WDR53: variants seen among roughly 807,000 people sequenced by gnomAD.
WDR53 encodes the protein WD repeat-containing protein 53.
In WDR53, 19 loss-of-function variants were observed where a neutral mutation model predicts 21.3. The observed-to-expected ratio is 0.89, with a 90% CI of 0.62 to 1.31. WDR53 has a LOEUF of 1.31. Ranked by LOEUF, WDR53 falls within the 50% of genes most tolerant of loss-of-function variation. The pLI is 0.00. For synonymous variants in WDR53, 157 were observed against 163.4 expected (o/e 0.96, Z 0.30); for missense variants, 374 against 423.2 (o/e 0.88, Z 1.02).
Position 196,558,633 on chromosome 3 carries a change from T to C in WDR53, c.480+2363A>G, listed in dbSNP as rs1734551766. Among the ~76,000 whole-genome samples the C allele has an allele frequency of 2.6e-5, 4 of 152,258 alleles. No individual in the cohort carries two copies. The South Asian group carries it at 8.3e-4, about 31-fold the overall frequency. ...CAATCATTCAATTCCTGCCTTGAGA[T>C]AAAATTTGTTTGCTCAGAGAGAAGT... On this transcript the variant is annotated intron_variant, in intron 3 of 3. Coordinates refer to ENST00000332629, the MANE Select transcript of WDR53 (RefSeq NM_182627.3).
intron 3 of WDR53, among the ~76,000 whole-genome samples, chr3:196,560,563 T>C (rs533664645): frequency 2.6e-5 from 4 of 152,312 alleles, no homozygotes; most frequent in African/African-American, 9.6e-5. Flanking sequence ...AACTCAGCAT[T>C]GAATACAGTG....
At chr3:196,557,951 ATC>A (rs1324181726) in intron 3 of WDR53, among the ~76,000 whole-genome samples, 1 of 151,568 alleles carries the variant, frequency 6.6e-6, no homozygotes, top group Non-Finnish European at 1.5e-5. Context: ...TACTTTTTGT[ATC>A]TTTTGTAGAG....
intron 2 of WDR53, among the ~76,000 whole-genome samples, chr3:196,561,785 T>C (rs931447796): frequency 2.0e-5 from 3 of 152,024 alleles, no homozygotes; most frequent in Non-Finnish European, 4.4e-5. Flanking sequence ...GAATAAACAC[T>C]ACATATTTTA....
chr3:196,557,448 A>C (rs559592642), intron 3 of WDR53, among the ~76,000 whole-genome samples: 186 of 152,276 alleles, frequency 1.2e-3, no homozygotes, highest in Admixed American at 3.2e-3. Context: ...CAGGAGGATG[A>C]GGTGGGAGGA....
chr3:196,557,079 A>G, intron 3 of WDR53, among the ~76,000 whole-genome samples: 1 of 116,664 alleles, frequency 8.6e-6, no homozygotes, highest in East Asian at 1.9e-4. Flanking sequence ...TACTGAAAGA[A>G]AAGAATAAAG....
At chr3:196,561,681 G>T (rs1180006907) in intron 2 of WDR53, among the ~76,000 whole-genome samples, 190 bp from the exon 3 acceptor site, 1 of 151,746 alleles carries the variant, frequency 6.6e-6, no homozygotes. Context: ...ACACAGGGTT[G>T]TATCCTGGCT....
intron 3 of WDR53, among the ~76,000 whole-genome samples, chr3:196,557,236 C>T (rs192412723): frequency 1.5e-4 from 23 of 152,312 alleles, no homozygotes; most frequent in Middle Eastern, 3.4e-3. Context: ...ATAAAAGACT[C>T]GTCTTCAAGA....
At chr3:196,563,728 C>T (rs1421960727) in intron 2 of WDR53, among the ~76,000 whole-genome samples, 3 of 152,152 alleles carry the variant, frequency 2.0e-5, no homozygotes, top group South Asian at 2.1e-4. Context: ...CCTGCCACCA[C>T]GCCAGGCTAA....
intron 3 of WDR53, among the ~76,000 whole-genome samples, chr3:196,559,320 T>C (rs557193846): frequency 6.6e-6 from 1 of 152,266 alleles, no homozygotes; most frequent in South Asian, 2.1e-4. Flanking sequence ...AAAAGGAAGA[T>C]AGAGGTTGTA....
rs1560298869 is a variant in WDR53 at position 196,554,586 on chromosome 3, T to C, written c.702A>G (p.Glu234=). Residue 234 remains glutamate, a synonymous_variant, in exon 4 of 4, where the codon GAA becomes GAG. Coordinates refer to ENST00000332629, the MANE Select transcript of WDR53 (RefSeq NM_182627.3). ...CTGAAGTGTGGCCCTTAAATCCCAG[T>C]TCCTGTTCACACTTAACTCCCATCA... ...FRVMGVKCEQ[E]LGFKGHTSGV... is the part of the protein sequence containing the mutation. The C allele has an allele frequency of 6.2e-7, 1 of 1,614,082 alleles. No individual in the cohort carries two copies. The highest frequency in any genetic ancestry group is 1.1e-5 in the South Asian group (1 of 91,080).
At position 196,561,489 on chromosome 3, in the gene WDR53, A is replaced by G; in HGVS notation, c.-14T>C. On this transcript the variant is annotated splice_region_variant and 5_prime_UTR_variant, in exon 3 of 4. Coordinates refer to ENST00000332629, the MANE Select transcript of WDR53 (RefSeq NM_182627.3). ...CTTGACTGCCATAATGGTCCCGGAGACTCTGTGAAGTGGGGGAAACAACTG... is the reference window on the plus strand; with the variant it reads ...CTTGACTGCCATAATGGTCCCGGAGGCTCTGTGAAGTGGGGGAAACAACTG... 1.9e-6 allele frequency: 3 copies of G among 1,598,692 alleles called. No homozygotes were observed. The highest frequency in any genetic ancestry group is 1.7e-6 in the Non-Finnish European group (2 of 1,172,460).
At chr3:196,566,853 A>C (rs1051177613) in intron 2 of WDR53, 24 bp downstream of exon 2, 1 of 182,124 alleles carries the variant, frequency 5.5e-6, no homozygotes, top group Non-Finnish European at 1.2e-5. Flanking sequence ...AAAGAAAAGG[A>C]GGGGTTGAGA....
At chr3:196,557,532 T>C (rs1012810617) in intron 3 of WDR53, among the ~76,000 whole-genome samples, 5 of 152,182 alleles carry the variant, frequency 3.3e-5, no homozygotes, top group African/African-American at 9.7e-5. Context: ...ACAAAGACCC[T>C]GTCTCAAAAA....
At chr3:196,567,786 T>TGA (rs1553873543) in intron 1 of WDR53, among the ~76,000 whole-genome samples, 2 of 149,536 alleles carry the variant, frequency 1.3e-5, no homozygotes, top group African/African-American at 2.5e-5. Context: ...TGTGTGTGTG[T>TGA]GAGGTAGGGG....
intron 3 of WDR53, among the ~76,000 whole-genome samples, chr3:196,557,026 CAGCTG>C (rs1734380896): frequency 2.6e-5 from 4 of 152,224 alleles, no homozygotes; most frequent in Non-Finnish European, 5.9e-5. Flanking sequence ...ATTTCTCAAC[CAGCTG>C]TTCAAGCAGT....
At chr3:196,560,364 C>T (rs564484919) in intron 3 of WDR53, among the ~76,000 whole-genome samples, 1 of 152,158 alleles carries the variant, frequency 6.6e-6, no homozygotes, top group Non-Finnish European at 1.5e-5. Flanking sequence ...GCCTCAGCCT[C>T]CCAAGTAGCT....
At chr3:196,563,875 C>G (rs1442569235) in intron 2 of WDR53, among the ~76,000 whole-genome samples, 2 of 152,130 alleles carry the variant, frequency 1.3e-5, no homozygotes, top group Admixed American at 1.3e-4. Flanking sequence ...CCCAGCCTCC[C>G]CCTACTTTTA....
At position 196,561,017 on chromosome 3, in the gene WDR53, C is replaced by T; in HGVS notation, c.459G>A (p.Val153=). ...TCACCTGCATATCCAGTCCACATGA[C>T]ACCAGGCTCTGAGGCCTCTGAGGCC... The part of the protein sequence containing the change: ...AFRPQRPQSL[V]SCGLDMQVML... The change falls in exon 3 of 4, where the codon GTG becomes GTA. Residue 153 remains valine (V), a synonymous_variant. Transcript: ENST00000332629. 7 of 1,613,938 alleles carry T rather than the reference C, an allele frequency of 4.3e-6. No individual in the cohort carries two copies. The highest frequency in any genetic ancestry group is 5.9e-6 in the Non-Finnish European group (7 of 1,179,912).
chr3:196,556,431 C>T lies in WDR53; in HGVS notation c.481-1624G>A, dbSNP rs1053935615. The stretch of plus-strand genomic sequence containing the variant: ...CAGCACTTTGGGAGGCTGAGGTGGG[C>T]GGATCACGATGTCAGGAGATCGAGA... On this transcript the variant is annotated intron_variant, in intron 3 of 3. Coordinates refer to ENST00000332629, the MANE Select transcript of WDR53 (RefSeq NM_182627.3). 6.6e-5 allele frequency among the ~76,000 whole-genome samples: 10 copies of T among 151,928 alleles called. No individual in the cohort carries two copies. The East Asian group carries it at 7.7e-4, about 12-fold the overall frequency.
Sources: gnomAD v4.1 joint callset for allele counts (sites outside exome capture counted in the v4.1 genomes callset) on GRCh38, gnomAD v4.1.1 for gene constraint, MANE v1.5 for transcripts, NCBI Gene and HGNC (gene_info 2026-07-23, HGNC 2026-07-21) for gene names.